The following AARS1 variants were observed in gnomAD, a reference collection of about 807,000 sequenced individuals.
The protein encoded by AARS1 is alanyl-tRNA synthetase 1.
In AARS1, 72 loss-of-function variants were observed where a neutral mutation model predicts 108.9. That is an observed-to-expected ratio of 0.66 (90% CI 0.55 to 0.80). The LOEUF (loss-of-function observed/expected upper bound fraction) is 0.80. Among genes scored for constraint, AARS1 ranks in the 30% least tolerant of loss-of-function variants. The pLI is 0.00. For missense variants in AARS1, 1,193 were observed against 1,233.2 expected (o/e 0.97, Z 0.49); for synonymous variants, 489 against 465.7 (o/e 1.05, Z -0.64).
intron 15 of AARS1, among the ~76,000 whole-genome samples, chr16:70,257,136 C>G (rs1960010457): frequency 6.6e-6 from 1 of 152,040 alleles, no homozygotes; most frequent in African/African-American, 2.4e-5. Context: ...GTAGTCCCAG[C>G]TACTCAGGAG....
intron 11 of AARS1, 100 bp downstream of exon 11, chr16:70,264,857 GT>G: frequency 6.8e-7 from 1 of 1,463,774 alleles, no homozygotes; most frequent in Admixed American, 1.8e-5. Context: ...AGGAGAGGCT[GT>G]CAGCAGTCTG....
intron 16 of AARS1, 104 bp downstream of exon 16, chr16:70,255,622 ACT>A: frequency 9.6e-7 from 1 of 1,044,500 alleles, no homozygotes; most frequent in Admixed American, 1.9e-5. Flanking sequence ...CTGTACTTTC[ACT>A]CTGACTGCAG....
In AARS1 at chr16:70,252,307, C is replaced by A. The variant is rs1431003411; in HGVS notation, c.*414G>T. 19 of 324,312 alleles carry A rather than the reference C, an allele frequency of 5.9e-5. No homozygotes were observed. The highest frequency in any genetic ancestry group is 1.0e-4 in the Non-Finnish European group (18 of 174,084). 20.1% of individuals were successfully genotyped at this position (324,312 alleles called of 1,614,324 possible). Reference sequence around the variant, plus strand: ...ACACCACAGCAGCCAGCAGGAGCCACAGCATTTATTCTACAGACGCCAAAG... The same window carrying A: ...ACACCACAGCAGCCAGCAGGAGCCAAAGCATTTATTCTACAGACGCCAAAG... On this transcript the variant is annotated 3_prime_UTR_variant, in exon 21 of 21. Transcript: ENST00000261772.
chr16:70,266,076 G>A (rs1269561406), intron 9 of AARS1, among the ~76,000 whole-genome samples: 2 of 152,286 alleles, frequency 1.3e-5, no homozygotes, highest in South Asian at 2.1e-4. Flanking sequence ...CACTTTGGGA[G>A]GCCGAGGCGG....
rs747431164 is a variant in AARS1 at position 70,276,963 on chromosome 16, T to C, written c.333+3A>G. ...CCTAGTGGTTCTTCTGCTCTGAACTTACCTTAAAGTAATCTCCAAAAGACC... is the reference window on the plus strand; with the variant it reads ...CCTAGTGGTTCTTCTGCTCTGAACTCACCTTAAAGTAATCTCCAAAAGACC... On this transcript the variant is annotated splice_donor_region_variant and intron_variant, in intron 3 of 20. Coordinates refer to ENST00000261772, the MANE Select transcript of AARS1 (RefSeq NM_001605.3). 26 of 1,614,044 alleles carry C rather than the reference T, an allele frequency of 1.6e-5. No individual in the cohort carries two copies. The Admixed American group carries it at 4.0e-4, about 25-fold the overall frequency.
chr16:70,271,862 C>T lies in AARS1; in HGVS notation c.590G>A (p.Gly197Asp). Residue 197 changes from glycine to aspartate, a missense_variant, in exon 5 of 21, where the codon GGT (glycine) becomes GAT (aspartate). Gly to Asp is a moderately conservative substitution (Grantham distance 94). Transcript: ENST00000261772. ...CSEIHYDRIG[G>D]RDAAHLVNQD... The stretch of plus-strand genomic sequence containing the variant: ...GTTGACAAGATGTGCGGCGTCCCGA[C>T]CACCAATCCGGTCGTAGTGGATCTC... 3 of 1,613,986 alleles carry T rather than the reference C, an allele frequency of 1.9e-6. No individual in the cohort carries two copies. The highest frequency in any genetic ancestry group is 2.5e-6 in the Non-Finnish European group (3 of 1,179,876).
At chr16:70,273,834 G>A (rs1960469026) in intron 4 of AARS1, among the ~76,000 whole-genome samples, 1 of 127,118 alleles carries the variant, frequency 7.9e-6, no homozygotes, top group African/African-American at 3.1e-5. Flanking sequence ...CTGCACTCCA[G>A]CATGGGCGAC....
At chr16:70,277,271 G>A in intron 2 of AARS1, 117 bp from the exon 3 acceptor site, 1 of 1,103,944 alleles carries the variant, frequency 9.1e-7, no homozygotes, top group African/African-American at 1.5e-5. Context: ...TAACATGCCT[G>A]GAATATAGAC....
Position 70,265,622 on chromosome 16 carries a change from T to C in AARS1, c.1263A>G (p.Pro421=), listed in dbSNP as rs756280590. The change falls in exon 10 of 21, where the codon CCA becomes CCG. Residue 421 remains proline (P), a synonymous_variant. Coordinates refer to ENST00000261772, the MANE Select transcript of AARS1 (RefSeq NM_001605.3). ...CAGCAATCAGTCCAGTCAGATCCAC[T>C]GGAAACCCATAGGTGTCATAGAGGA... The part of the protein sequence containing the change: ...AWLLYDTYGF[P]VDLTGLIAEE... 1 of 1,613,902 alleles carries C rather than the reference T, an allele frequency of 6.2e-7. No individual in the cohort carries two copies. Among genetic ancestry groups the C allele is most frequent in the Admixed American group, 1.7e-5 (1 of 59,990 alleles).
intron 14 of AARS1, 31 bp downstream of exon 14, chr16:70,258,949 A>AG (rs747848503): frequency 1.2e-4 from 196 of 1,596,222 alleles, no homozygotes; most frequent in East Asian, 2.9e-4. Flanking sequence ...CGGTGTGGGG[A>AG]GGGGGGGCAT....
chr16:70,274,731 GGTGGGGGAGTGGA>G (rs1331382728), intron 4 of AARS1, among the ~76,000 whole-genome samples: 1 of 151,168 alleles, frequency 6.6e-6, no homozygotes, highest in Non-Finnish European at 1.5e-5. Flanking sequence ...TCTCGGCGGG[GGTGGGGGAGTGGA>G]GTGGGGGTGG....
rs1408065085 is a variant in AARS1 at position 70,254,828 on chromosome 16, C to T, written c.2287-94G>A. 3.7e-6 allele frequency: 3 copies of T among 811,870 alleles called. No homozygotes were observed. In the African/African-American group the frequency reaches 5.0e-5, roughly 14 times the overall value. 50.3% of individuals were successfully genotyped at this position (811,870 alleles called of 1,614,324 possible). On this transcript the variant is annotated intron_variant, in intron 16 of 20. Coordinates refer to ENST00000261772, the MANE Select transcript of AARS1 (RefSeq NM_001605.3). The stretch of plus-strand genomic sequence containing the variant: ...AGCTGCGGAAGCCCCGGCGGTAGGC[C>T]TTGCAGCAACATACCCCAACACCCC...
chr16:70,267,699 G>C lies in AARS1; in HGVS notation c.1182C>G (p.Asp394Glu), dbSNP rs374441229. 2 of 1,614,000 alleles carry C rather than the reference G, an allele frequency of 1.2e-6. No homozygotes were observed. Among genetic ancestry groups the C allele is most frequent in the African/African-American group, 2.7e-5 (2 of 74,888 alleles). ...TGTCTCCCAGGCTCTGAATTTTCCT[G>C]TCCAGGATGCGACGCCCTCTGCTGA... is the stretch of plus-strand genomic sequence containing the variant. ...KTLSRGRRILDRKIQSLGDSK... is the reference protein window; with the variant it reads ...KTLSRGRRILERKIQSLGDSK... Residue 394 changes from aspartate (D) to glutamate (E), a missense_variant, in exon 9 of 21, where the codon GAC (aspartate) becomes GAG (glutamate). By Grantham distance (45) the Asp-to-Glu change is conservative. Transcript: ENST00000261772.
At chr16:70,262,685 C>T (rs1366788096) in intron 11 of AARS1, among the ~76,000 whole-genome samples, 161 bp from the exon 12 acceptor site, 2 of 152,148 alleles carry the variant, frequency 1.3e-5, no homozygotes, top group Admixed American at 6.5e-5. Context: ...GAAAGGGCTT[C>T]GCGGCCGGGC....
intron 2 of AARS1, among the ~76,000 whole-genome samples, chr16:70,281,438 G>C (rs570382439): frequency 6.6e-6 from 1 of 152,248 alleles, no homozygotes; most frequent in African/African-American, 2.4e-5. Context: ...GGCTGAGGTG[G>C]GTGGATCACC....
In AARS1 at chr16:70,253,818, A is replaced by G. The variant is rs1280237524; in HGVS notation, c.2521-18T>C. On this transcript the variant is annotated intron_variant, in intron 18 of 20. Transcript: ENST00000261772. Reference sequence around the variant, plus strand: ...TCTAACACCTGCAAGAAAAAAGTCCAGAACAGCAGCTCAGACCAAAAGCCC... The same window carrying G: ...TCTAACACCTGCAAGAAAAAAGTCCGGAACAGCAGCTCAGACCAAAAGCCC... 3 of 1,614,224 alleles carry G rather than the reference A, an allele frequency of 1.9e-6. No homozygotes were observed. Among genetic ancestry groups the G allele is most frequent in the South Asian group, 1.1e-5 (1 of 91,086 alleles).
At chr16:70,281,603 T>G (rs535192419) in intron 2 of AARS1, among the ~76,000 whole-genome samples, 1 of 152,074 alleles carries the variant, frequency 6.6e-6, no homozygotes, top group South Asian at 2.1e-4. Flanking sequence ...GAGGCAGAGA[T>G]TGCAGTGAGC....
Position 70,265,618 on chromosome 16 carries a change from C to T in AARS1, c.1267G>A (p.Asp423Asn), listed in dbSNP as rs1555540897. Residue 423 changes from aspartate to asparagine, a missense_variant, in exon 10 of 21, where the codon GAT becomes AAT. Transcript: ENST00000261772. ...LLYDTYGFPV[D>N]LTGLIAEEKG... The stretch of plus-strand genomic sequence containing the variant: ...TCTTCAGCAATCAGTCCAGTCAGAT[C>T]CACTGGAAACCCATAGGTGTCATAG... 1 of 1,613,764 alleles carries T rather than the reference C, an allele frequency of 6.2e-7. No homozygotes were observed. The highest frequency in any genetic ancestry group is 8.5e-7 in the Non-Finnish European group (1 of 1,179,864).
intron 9 of AARS1, 68 bp from the exon 10 acceptor site, chr16:70,265,730 AGGATGCTG>A: frequency 6.3e-7 from 1 of 1,598,124 alleles, no homozygotes; most frequent in Non-Finnish European, 8.5e-7. Flanking sequence ...GCCCTCCAAA[AGGATGCTG>A]GGACTGGCAG....
Sources: gnomAD v4.1 joint callset for allele counts (sites outside exome capture counted in the v4.1 genomes callset) on GRCh38, gnomAD v4.1.1 for gene constraint, MANE v1.5 for transcripts, NCBI Gene and HGNC (gene_info 2026-07-23, HGNC 2026-07-21) for gene names.